Variants in MED26 observed in about 807,000 individuals in gnomAD.
MED26 encodes the protein mediator of RNA polymerase II transcription subunit 26.
MED26 carries 7 observed loss-of-function variants against 43.7 expected under a neutral mutation model. The observed-to-expected ratio is 0.16, with a 90% CI of 0.09 to 0.30. MED26 has a LOEUF of 0.30. Ranked by LOEUF, MED26 falls within the 10% of genes least tolerant of loss-of-function variation. The pLI is 1.00. For synonymous variants in MED26, 375 were observed against 371.1 expected, an observed-to-expected ratio of 1.01 and a Z score of -0.12; for missense variants, 784 against 840.6, an observed-to-expected ratio of 0.93 and a Z score of 0.83.
intron 1 of MED26, among the ~76,000 whole-genome samples, chr19:16,604,558 G>A (rs1194168808): frequency 6.6e-6 from 1 of 152,178 alleles, no homozygotes; most frequent in Non-Finnish European, 1.5e-5. Context: ...GTCCCAGGAC[G>A]CTTCAAAGAC....
intron 1 of MED26, among the ~76,000 whole-genome samples, chr19:16,600,322 A>G (rs941441506): frequency 1.3e-5 from 2 of 152,082 alleles, no homozygotes; most frequent in African/African-American, 4.8e-5. Flanking sequence ...ATGCATTAAC[A>G]CTGATCAATG....
At chr19:16,602,179 C>A (rs960256111) in intron 1 of MED26, among the ~76,000 whole-genome samples, 2 of 152,220 alleles carry the variant, frequency 1.3e-5, no homozygotes. Context: ...TCACGCTGTA[C>A]CCATTCTGGG....
chr19:16,615,523 G>A (rs935931553), intron 1 of MED26, among the ~76,000 whole-genome samples: 1 of 152,152 alleles, frequency 6.6e-6, no homozygotes, highest in Non-Finnish European at 1.5e-5. Context: ...AAGGTGGGTG[G>A]ATCACCTGAG....
chr19:16,596,294 C>T (rs141175644), intron 1 of MED26, among the ~76,000 whole-genome samples: 1 of 152,234 alleles, frequency 6.6e-6, no homozygotes, highest in South Asian at 2.1e-4. Flanking sequence ...CAACCCCATG[C>T]TGCGTCAGAG....
Position 16,576,491 on chromosome 19 carries a change from T to C in MED26, c.1339A>G (p.Ser447Gly), listed in dbSNP as rs768703134. Residue 447 changes from serine to glycine, a missense_variant, in exon 3 of 3, where the codon AGC (serine) becomes GGC (glycine). By Grantham distance (56) the Ser-to-Gly change is moderately conservative. Coordinates refer to ENST00000263390, the MANE Select transcript of MED26 (RefSeq NM_004831.5). The surrounding 1 kb of genome is among the most constrained non-coding windows in gnomAD (Gnocchi z 6.8). ...LTQKEPVRADSPVHMEQQSRT... is the reference protein window; with the variant it reads ...LTQKEPVRADGPVHMEQQSRT... Reference sequence around the variant, plus strand: ...GACTGCTGCTCCATGTGCACAGGGCTGTCTGCCCGCACTGGCTCTTTCTGG... The same window carrying C: ...GACTGCTGCTCCATGTGCACAGGGCCGTCTGCCCGCACTGGCTCTTTCTGG... The C allele has an allele frequency of 1.9e-6, 3 of 1,614,206 alleles. No individual in the cohort carries two copies. Among genetic ancestry groups the C allele is most frequent in the South Asian group, 1.1e-5 (1 of 91,088 alleles).
chr19:16,597,541 A>G (rs2086126512), intron 1 of MED26: 1 of 398,402 alleles, frequency 2.5e-6, no homozygotes, highest in Non-Finnish European at 4.4e-6. Context: ...GTTTGTTTGC[A>G]AAGTTTGCCA....
In MED26 at chr19:16,622,851, T is replaced by C. The variant is rs1443752042; in HGVS notation, c.72+5021A>G. Among the ~76,000 whole-genome samples the C allele has an allele frequency of 3.3e-5, 5 of 151,648 alleles. No individual in the cohort carries two copies. In the East Asian group the frequency reaches 9.7e-4, roughly 29 times the overall value. On this transcript the variant is annotated intron_variant, in intron 1 of 2. Coordinates refer to ENST00000263390, the MANE Select transcript of MED26 (RefSeq NM_004831.5). Reference sequence around the variant, plus strand: ...CCCGCTGGACTGGAGTCACCTGGAGTCAGCCTGGTTAAACTAGAGCTCCAT... The same window carrying C: ...CCCGCTGGACTGGAGTCACCTGGAGCCAGCCTGGTTAAACTAGAGCTCCAT...
intron 1 of MED26, among the ~76,000 whole-genome samples, chr19:16,622,873 C>G (rs1372601251): frequency 1.3e-5 from 2 of 152,162 alleles, no homozygotes; most frequent in Middle Eastern, 3.2e-3. Flanking sequence ...AACTAGAGCT[C>G]CATCTGAGAA....
intron 1 of MED26, among the ~76,000 whole-genome samples, chr19:16,598,938 A>G (rs1036140775): frequency 3.9e-5 from 6 of 152,216 alleles, no homozygotes; most frequent in Non-Finnish European, 7.3e-5. Context: ...CACAGTACAC[A>G]TACTGGGGAA....
At position 16,577,554 on chromosome 19, in the gene MED26, C is replaced by T. The variant is rs774277841; in HGVS notation, c.276G>A (p.Ala92=). The change falls in exon 3 of 3, where the codon GCG becomes GCA. Residue 92 remains alanine, a synonymous_variant. Transcript: ENST00000263390. The surrounding 1 kb of genome is among the most constrained non-coding windows in gnomAD (Gnocchi z 8.1). ...TGGCCCCCGCCAGCCCCCGCAGCGCCGCCTCATGCTGGTGTGCCGGCTCGA... is the reference window on the plus strand; with the variant it reads ...TGGCCCCCGCCAGCCCCCGCAGCGCTGCCTCATGCTGGTGTGCCGGCTCGA... ...KLIEPAHQHE[A]ALRGLAGATG... is the part of the protein sequence containing the mutation. The T allele has an allele frequency of 2.4e-5, 39 of 1,608,550 alleles. No homozygotes were observed. Among genetic ancestry groups the T allele is most frequent in the Non-Finnish European group, 3.2e-5 (38 of 1,176,664 alleles).
chr19:16,586,287 G>C lies in MED26; in HGVS notation c.73-7878C>G, dbSNP rs1290444347. On this transcript the variant is annotated intron_variant, in intron 1 of 2. Transcript: ENST00000263390. The surrounding 1 kb of genome is among the most constrained non-coding windows in gnomAD (Gnocchi z 5.1). ...CGCACTCTACAGATAAGGTAACTGA[G>C]GGCCAGGAAGGTAATGGAGGTCCCG... is the stretch of plus-strand genomic sequence containing the variant. Among the ~76,000 whole-genome samples the C allele has an allele frequency of 1.3e-5, 2 of 152,228 alleles. No homozygotes were observed. Among genetic ancestry groups the C allele is most frequent in the South Asian group, 4.1e-4 (2 of 4,834 alleles).
At chr19:16,606,102 G>A (rs772657160) in intron 1 of MED26, among the ~76,000 whole-genome samples, 3 of 152,178 alleles carry the variant, frequency 2.0e-5, no homozygotes, top group Admixed American at 1.3e-4. Flanking sequence ...CGCCCTTAGC[G>A]GGTCATCTGG....
intron 1 of MED26, among the ~76,000 whole-genome samples, chr19:16,613,167 G>A (rs979249354): frequency 3.9e-5 from 6 of 152,162 alleles, no homozygotes; most frequent in African/African-American, 4.8e-5. Context: ...ACTTGGAGAC[G>A]GAGCTGTAGA....
At chr19:16,623,982 C>G (rs2086262396) in intron 1 of MED26, among the ~76,000 whole-genome samples, 1 of 152,062 alleles carries the variant, frequency 6.6e-6, no homozygotes, top group Non-Finnish European at 1.5e-5. Context: ...ACTGGCTCCC[C>G]CACTCACAAG....
intron 1 of MED26, chr19:16,611,444 A>C (rs1331833045): frequency 6.6e-6 from 1 of 152,190 alleles, no homozygotes; most frequent in East Asian, 1.9e-4. Context: ...ATTGCAGTAC[A>C]TAGAGGCCCG....
chr19:16,612,481 T>C (rs1413375706), intron 1 of MED26, among the ~76,000 whole-genome samples: 1 of 151,354 alleles, frequency 6.6e-6, no homozygotes, highest in African/African-American at 2.4e-5. Flanking sequence ...AGACAAGGTG[T>C]CACTATGTTG....
At position 16,586,876 on chromosome 19, in the gene MED26, G is replaced by A. The variant is rs933740425; in HGVS notation, c.73-8467C>T. 7 of 151,448 alleles carry A rather than the reference G, an allele frequency of 4.6e-5. No homozygotes were observed. The highest frequency in any genetic ancestry group is 7.3e-5 in the African/African-American group (3 of 41,168). 9.4% of individuals were successfully genotyped at this position (151,448 alleles called of 1,614,324 possible). A position where few individuals can be genotyped will look rare whatever the true frequency, so the allele number is the denominator to read the frequency against. ...CAGTGGCAAAGCACCTGTAAAAACC[G>A]GTTCACTTTAAAAACAACAATGGGG... On this transcript the variant is annotated intron_variant, in intron 1 of 2. Transcript: ENST00000263390. This position sits in a 1 kb window ranked among gnomAD's most constrained non-coding sequence, Gnocchi z 5.1.
At chr19:16,623,903 C>T (rs1326132655) in intron 1 of MED26, among the ~76,000 whole-genome samples, 1 of 151,972 alleles carries the variant, frequency 6.6e-6, no homozygotes, top group African/African-American at 2.4e-5. Context: ...CTCTGCTTGC[C>T]CCTGGAGACA....
In MED26 at chr19:16,592,347, C is replaced by T. The variant is rs377092685; in HGVS notation, c.73-13938G>A. Among the ~76,000 whole-genome samples the T allele has an allele frequency of 9.2e-5, 14 of 152,332 alleles. No individual in the cohort carries two copies. The East Asian group carries it at 1.7e-3, about 19-fold the overall frequency. On this transcript the variant is annotated intron_variant, in intron 1 of 2. Transcript: ENST00000263390. ...CAGGCACAGCTGTGGGGCCCTGTCC[C>T]GTCCCATGCCAATCTCAGAGAAAGC...
Sources: allele counts gnomAD v4.1 joint callset (sites outside exome capture counted in the v4.1 genomes callset), GRCh38; gene constraint gnomAD v4.1.1; non-coding constraint Gnocchi (gnomAD v3.1); transcripts MANE v1.5; gene names NCBI Gene and HGNC (gene_info 2026-07-23, HGNC 2026-07-21).